The following RANBP17 variants were observed in gnomAD, a reference collection of about 807,000 sequenced individuals.
RANBP17 encodes RAN binding protein 17, also known as ran-binding protein 17.
In RANBP17, 158 loss-of-function variants were observed where a neutral mutation model predicts 141.2. The observed-to-expected ratio is 1.12, with a 90% CI of 0.98 to 1.28. RANBP17 has a LOEUF of 1.28. RANBP17 is among the 50% of genes most tolerant of loss of function. RANBP17 has a pLI of 0.00. For synonymous variants in RANBP17, 430 were observed against 450.0 expected, an observed-to-expected ratio of 0.96 and a Z score of 0.56; for missense variants, 1,438 against 1,290.7, an observed-to-expected ratio of 1.11 and a Z score of -1.75.
At chr5:171,292,813 C>T (rs779358416) in intron 25 of RANBP17, among the ~76,000 whole-genome samples, 2 of 152,224 alleles carry the variant, frequency 1.3e-5, no homozygotes, top group Non-Finnish European at 2.9e-5. Flanking sequence ...CTGCACAGTA[C>T]ACATTCTACA....
intron 14 of RANBP17, among the ~76,000 whole-genome samples, chr5:171,144,150 C>T (rs541501396): frequency 6.6e-6 from 1 of 152,044 alleles, no homozygotes; most frequent in South Asian, 2.1e-4. Context: ...ATCACTTGAG[C>T]GCAGGTGTTT....
chr5:171,150,557 C>T (rs1012881649), intron 14 of RANBP17, among the ~76,000 whole-genome samples: 2 of 151,742 alleles, frequency 1.3e-5, no homozygotes, highest in African/African-American at 4.8e-5. Context: ...CCTTTTTGCA[C>T]CAGATACTAT....
At chr5:170,929,310 T>A (rs1413688930) in intron 12 of RANBP17, among the ~76,000 whole-genome samples, 1 of 152,112 alleles carries the variant, frequency 6.6e-6, no homozygotes, top group Non-Finnish European at 1.5e-5. Context: ...CTTGTTTCTG[T>A]TTGTAAATAG....
chr5:171,242,427 A>C (rs1318311565), intron 23 of RANBP17, among the ~76,000 whole-genome samples: 1 of 152,204 alleles, frequency 6.6e-6, no homozygotes, highest in Admixed American at 6.5e-5. Flanking sequence ...TAATTCACAC[A>C]GTCTTCTAAA....
At chr5:170,993,249 A>C (rs893356889) in intron 14 of RANBP17, among the ~76,000 whole-genome samples, 1 of 152,060 alleles carries the variant, frequency 6.6e-6, no homozygotes, top group South Asian at 2.1e-4. Context: ...TTGTATGGTT[A>C]TACACAGTTT....
Position 171,298,974 on chromosome 5 carries a change from C to A in RANBP17, c.*116C>A. ...GAATGTATTTTTCAAAACATACAAG[C>A]AACAGCAAAAGCCCTAACTTCTTAT... is the stretch of plus-strand genomic sequence containing the variant. On this transcript the variant is annotated 3_prime_UTR_variant, in exon 28 of 28. Coordinates refer to ENST00000523189, the MANE Select transcript of RANBP17 (RefSeq NM_022897.5). 1 of 676,110 alleles carries A rather than the reference C, an allele frequency of 1.5e-6. No homozygotes were observed. Among genetic ancestry groups the A allele is most frequent in the Non-Finnish European group, 2.5e-6 (1 of 396,980 alleles). 41.9% of individuals were successfully genotyped at this position (676,110 alleles called of 1,614,324 possible).
chr5:171,098,919 ATGGT>A (rs1182705916), intron 14 of RANBP17, among the ~76,000 whole-genome samples: 1 of 152,072 alleles, frequency 6.6e-6, no homozygotes, highest in Non-Finnish European at 1.5e-5. Flanking sequence ...TAAAAATCAG[ATGGT>A]TGTAGATGTG....
Position 171,213,548 on chromosome 5 carries a change from T to C in RANBP17, c.2232-83T>C. ...TATAGAACAAATGTGGATTCCCTTT[T>C]GTGTGTGTGTATGTGTGTGGCACTA... On this transcript the variant is annotated intron_variant, in intron 20 of 27. Transcript: ENST00000523189. 3.4e-6 allele frequency: 3 copies of C among 888,216 alleles called. 1 individual carries two copies. In the South Asian group the frequency reaches 4.2e-5, roughly 13 times the overall value. The allele number at this position is 888,216 out of a possible 1,614,324, so 55.0% of individuals were successfully genotyped here.
intron 5 of RANBP17, 142 bp from the exon 6 acceptor site, chr5:170,909,519 G>A (rs934743711): frequency 1.8e-6 from 1 of 560,930 alleles, no homozygotes; most frequent in African/African-American, 2.0e-5. Context: ...AGTACGGGTT[G>A]TAGGAAGAAC....
chr5:170,927,208 C>A (rs1772998638), intron 12 of RANBP17, among the ~76,000 whole-genome samples: 1 of 152,156 alleles, frequency 6.6e-6, no homozygotes, highest in East Asian at 1.9e-4. Flanking sequence ...AAGGACTATA[C>A]CATTTACTTG....
intron 27 of RANBP17, among the ~76,000 whole-genome samples, chr5:171,297,779 G>C (rs940302956): frequency 4.0e-5 from 6 of 149,464 alleles, no homozygotes; most frequent in Non-Finnish European, 8.9e-5. Flanking sequence ...ACTTTTTTCC[G>C]TGTACCAGGC....
At chr5:171,088,582 C>T (rs926013698) in intron 14 of RANBP17, among the ~76,000 whole-genome samples, 59 of 152,296 alleles carry the variant, frequency 3.9e-4, no homozygotes, top group South Asian at 6.2e-4. Context: ...CCATTCTCCC[C>T]GTCACTTTCA....
chr5:171,208,484 T>C (rs76527217), intron 20 of RANBP17, among the ~76,000 whole-genome samples: 1,749 of 152,342 alleles, frequency 0.011, 32 homozygotes, highest in African/African-American at 0.04. Context: ...TCCTAGATCA[T>C]ACTTAAACTG....
At chr5:171,063,740 T>A (rs969867196) in intron 14 of RANBP17, among the ~76,000 whole-genome samples, 6 of 152,204 alleles carry the variant, frequency 3.9e-5, no homozygotes, top group Non-Finnish European at 8.8e-5. Context: ...GCTGTCTTTT[T>A]GTTTGTCTGT....
At chr5:171,100,322 G>C (rs1472771783) in intron 14 of RANBP17, among the ~76,000 whole-genome samples, 2 of 152,136 alleles carry the variant, frequency 1.3e-5, no homozygotes, top group African/African-American at 4.8e-5. Flanking sequence ...TCCTGGTTTA[G>C]TCTTGGGAAG....
intron 22 of RANBP17, among the ~76,000 whole-genome samples, chr5:171,222,691 C>T (rs1213036502): frequency 1.3e-5 from 2 of 152,114 alleles, no homozygotes; most frequent in Admixed American, 6.6e-5. Context: ...TGCAGTGGCA[C>T]GATCTCAGAG....
At chr5:171,067,305 A>G (rs1166243244) in intron 14 of RANBP17, among the ~76,000 whole-genome samples, 7 of 149,842 alleles carry the variant, frequency 4.7e-5, no homozygotes, top group Non-Finnish European at 1.1e-4. Flanking sequence ...TCCCCTTTGC[A>G]TTATTATTAT....
At position 171,073,777 on chromosome 5, in the gene RANBP17, G is replaced by T. The variant is rs187910827; in HGVS notation, c.1711-96353G>T. 1.4e-3 allele frequency among the ~76,000 whole-genome samples: 213 copies of T among 151,728 alleles called. 2 individuals are homozygous for T. Among genetic ancestry groups the T allele is most frequent in the African/African-American group, 4.8e-3 (200 of 41,398 alleles). On this transcript the variant is annotated intron_variant, in intron 14 of 27. Coordinates refer to ENST00000523189, the MANE Select transcript of RANBP17 (RefSeq NM_022897.5). ...GAGAAATGGCTAATGCTGCATCTGG[G>T]ACAGGTAAAATACAAGATGAGCCTG... is the stretch of plus-strand genomic sequence containing the variant.
intron 14 of RANBP17, among the ~76,000 whole-genome samples, chr5:171,096,075 A>T (rs75445580): frequency 0.013 from 1,981 of 152,230 alleles, 43 homozygotes; most frequent in African/African-American, 0.045. Flanking sequence ...GAGGTGACAG[A>T]GGCAGAAGGA....
Sources: allele counts gnomAD v4.1 joint callset (sites outside exome capture counted in the v4.1 genomes callset), GRCh38; gene constraint gnomAD v4.1.1; transcripts MANE v1.5; gene names NCBI Gene and HGNC (gene_info 2026-07-23, HGNC 2026-07-21).